HTR2C: variants seen among roughly 807,000 people sequenced by gnomAD.
The protein encoded by HTR2C is 5-hydroxytryptamine receptor 2C, also known as 5-hydroxytryptamine (serotonin) receptor 2C, G protein-coupled.
HTR2C carries 5 observed loss-of-function variants against 21.0 expected under a neutral mutation model. That is an observed-to-expected ratio of 0.24 (90% CI 0.12 to 0.50). HTR2C has a LOEUF of 0.50. Ranked by LOEUF, HTR2C falls within the 20% of genes least tolerant of loss-of-function variation. HTR2C has a pLI of 0.98. For missense variants in HTR2C, 271 were observed against 371.2 expected, an observed-to-expected ratio of 0.73 and a Z score of 2.22; for synonymous variants, 150 against 145.3, an observed-to-expected ratio of 1.03 and a Z score of -0.23.
chrX:114,694,426 C>T (rs1386881164), intron 2 of HTR2C, among the ~76,000 whole-genome samples: 1 of 44,511 alleles, frequency 2.2e-5, no homozygotes, highest in Non-Finnish European at 4.5e-5. Flanking sequence ...CATTCTATTC[C>T]TCAACTAAAT....
chrX:114,805,584 T>C (rs2070396760), intron 4 of HTR2C, among the ~76,000 whole-genome samples: 1 of 94,250 alleles, frequency 1.1e-5, no homozygotes, highest in Non-Finnish European at 2.1e-5. Flanking sequence ...ACCATATATA[T>C]ACACCATATA....
intron 5 of HTR2C, among the ~76,000 whole-genome samples, chrX:114,888,237 C>G (rs188198386): frequency 9.0e-6 from 1 of 111,336 alleles, no homozygotes; most frequent in Non-Finnish European, 1.9e-5. Context: ...GAGTAGTAGT[C>G]CCAATCTAGA....
chrX:114,858,636 C>T (rs1036047371), intron 5 of HTR2C, among the ~76,000 whole-genome samples: 11 of 111,364 alleles, frequency 9.9e-5, no homozygotes, highest in Admixed American at 7.6e-4. Flanking sequence ...TTGTGAATGA[C>T]GACAGATGTA....
chrX:114,865,039 C>G (rs1165724573), intron 5 of HTR2C, among the ~76,000 whole-genome samples: 4 of 110,127 alleles, frequency 3.6e-5, no homozygotes, highest in African/African-American at 1.3e-4. Flanking sequence ...ACATCCATCC[C>G]CATCAAAAGT....
At chrX:114,760,679 G>A (rs1364350635) in intron 4 of HTR2C, among the ~76,000 whole-genome samples, 1 of 110,565 alleles carries the variant, frequency 9.0e-6, no homozygotes, top group Non-Finnish European at 1.9e-5. Context: ...ACCATGCTCT[G>A]CTAATTTTTT....
chrX:114,781,807 C>T (rs1382496065), intron 4 of HTR2C, among the ~76,000 whole-genome samples: 1 of 50,996 alleles, frequency 2.0e-5, no homozygotes, highest in African/African-American at 6.8e-5. Flanking sequence ...CAGTCAACCC[C>T]GCCGTCTAAA....
At chrX:114,654,674 C>T (rs1261949972) in intron 2 of HTR2C, among the ~76,000 whole-genome samples, 1 of 110,354 alleles carries the variant, frequency 9.1e-6, no homozygotes, top group Admixed American at 9.8e-5. Context: ...CAATCCCTCC[C>T]TTCAAAGAGA....
rs73638454 is a variant in HTR2C, at chrX:114,676,920, A to G, written c.-79-49938A>G. Among the ~76,000 whole-genome samples the G allele has an allele frequency of 9.4e-3, 1,057 of 112,170 alleles. 17 individuals are homozygous for G. Among genetic ancestry groups the G allele is most frequent in the African/African-American group, 0.032 (985 of 30,910 alleles). ...AGGAAAGCAAGATTTGCTTACTTGA[A>G]ATCCTCCTTCAGTTCAGTGATGGGA... On this transcript the variant is annotated intron_variant, in intron 2 of 5. Transcript: ENST00000276198.
intron 4 of HTR2C, among the ~76,000 whole-genome samples, chrX:114,828,563 T>C (rs1244183973): frequency 8.9e-6 from 1 of 112,094 alleles, no homozygotes. Flanking sequence ...CCTTTATTAT[T>C]GAGATAAAAT....
intron 2 of HTR2C, among the ~76,000 whole-genome samples, chrX:114,632,114 T>C (rs186644874): frequency 4.4e-4 from 49 of 112,462 alleles, no homozygotes; most frequent in African/African-American, 1.6e-3. Flanking sequence ...CTTTAGAAGA[T>C]TGAATGTCAT....
intron 2 of HTR2C, among the ~76,000 whole-genome samples, chrX:114,690,002 C>T (rs1556414905): frequency 9.0e-6 from 1 of 111,477 alleles, no homozygotes; most frequent in Non-Finnish European, 1.9e-5. Flanking sequence ...AGACACACTT[C>T]ATTTTTTCAA....
chrX:114,801,074 G>A (rs143140577), intron 4 of HTR2C, among the ~76,000 whole-genome samples: 361 of 111,248 alleles, frequency 3.2e-3, no homozygotes, highest in Non-Finnish European at 5.4e-3. Context: ...AAGCAGACCT[G>A]TATATTCACA....
At chrX:114,806,777 T>C (rs1361798029) in intron 4 of HTR2C, among the ~76,000 whole-genome samples, 1 of 89,166 alleles carries the variant, frequency 1.1e-5, no homozygotes, top group African/African-American at 4.6e-5. Flanking sequence ...ACCATATATA[T>C]ACACACCATA....
intron 2 of HTR2C, among the ~76,000 whole-genome samples, chrX:114,655,985 T>G (rs188646088): frequency 9.0e-6 from 1 of 111,058 alleles, no homozygotes; most frequent in East Asian, 2.8e-4. Context: ...TACAAGAAAA[T>G]TAATTATCTT....
At chrX:114,732,490 C>T (rs781801267) in intron 4 of HTR2C, among the ~76,000 whole-genome samples, 1 of 109,811 alleles carries the variant, frequency 9.1e-6, no homozygotes, top group African/African-American at 3.3e-5. Flanking sequence ...ATCTAGTTGT[C>T]GAATCCTAAA....
At chrX:114,644,358 AATAAATATATATATATATATATATATAT>A (rs1274435963) in intron 2 of HTR2C, among the ~76,000 whole-genome samples, 1 of 16,523 alleles carries the variant, frequency 6.1e-5, no homozygotes, top group Non-Finnish European at 1.2e-4. Context: ...TAAATAAATA[AATAAATATATATATATATATATATATAT>A]ATATATATAT....
At chrX:114,729,511 T>G (rs1556422790) in intron 3 of HTR2C, among the ~76,000 whole-genome samples, 1 of 111,804 alleles carries the variant, frequency 8.9e-6, no homozygotes, top group East Asian at 2.8e-4. Context: ...AGCGAATAAC[T>G]TGCTTCTGTT....
intron 2 of HTR2C, among the ~76,000 whole-genome samples, chrX:114,699,979 G>A (rs1296623143): frequency 1.8e-5 from 2 of 111,363 alleles, no homozygotes; most frequent in African/African-American, 3.3e-5. Context: ...TTTTGGCAAG[G>A]ATGGCATTAG....
At chrX:114,610,615 T>C (rs1162100263) in intron 1 of HTR2C, among the ~76,000 whole-genome samples, 1 of 111,510 alleles carries the variant, frequency 9.0e-6, no homozygotes, top group Non-Finnish European at 1.9e-5. Context: ...TGGCATGGTG[T>C]TTGGATTAAT....
Sources: allele counts gnomAD v4.1 joint callset (sites outside exome capture counted in the v4.1 genomes callset), GRCh38; gene constraint gnomAD v4.1.1; transcripts MANE v1.5; gene names NCBI Gene and HGNC (gene_info 2026-07-23, HGNC 2026-07-21).